Variants in UGT1A3 observed in about 807,000 individuals in gnomAD.
The protein encoded by UGT1A3 is UDP-glucuronosyltransferase 1A3.
UGT1A3 carries 31 observed loss-of-function variants against 41.0 expected under a neutral mutation model. The observed-to-expected ratio is 0.76, with a 90% CI of 0.57 to 1.02. The LOEUF (loss-of-function observed/expected upper bound fraction) is 1.02, where lower values mean the gene tolerates loss of function less well. UGT1A3 is among the 50% of genes least tolerant of loss of function. UGT1A3 has a pLI of 0.00. For missense variants in UGT1A3, 737 were observed against 671.0 expected (o/e 1.10, Z -1.09); for synonymous variants, 262 against 257.6 (o/e 1.02, Z -0.17).
At chr2:233,768,033 A>C in intron 3 of UGT1A3, 97 bp downstream of exon 3, 1 of 1,612,338 alleles carries the variant, frequency 6.2e-7, no homozygotes, top group South Asian at 1.1e-5. Flanking sequence ...GCTTGAAAAT[A>C]TTATGGCCAA....
Position 233,772,387 on chromosome 2 carries a change from C to A in UGT1A3, c.1433C>A (p.Ala478Glu). 1.2e-6 allele frequency: 2 copies of A among 1,614,274 alleles called. No individual in the cohort carries two copies. Among genetic ancestry groups the A allele is most frequent in the Non-Finnish European group, 1.7e-6 (2 of 1,180,048 alleles). ...AAGGGCGCGCCACACCTGCGCCCCG[C>A]AGCCCACGACCTCACCTGGTACCAG... ...RHKGAPHLRP[A>E]AHDLTWYQYH... is the part of the protein sequence containing the mutation. Residue 478 changes from alanine to glutamate, a missense_variant, in exon 5 of 5, where the codon GCA (alanine) becomes GAA (glutamate). Transcript: ENST00000482026.
In UGT1A3 at chr2:233,769,673, G is replaced by A; in HGVS notation, c.1307+1234G>A. 1.3e-6 allele frequency: 2 copies of A among 1,580,578 alleles called. No individual in the cohort carries two copies. The highest frequency in any genetic ancestry group is 1.1e-5 in the South Asian group (1 of 86,980). On this transcript the variant is annotated intron_variant, in intron 4 of 4. Transcript: ENST00000482026. The surrounding 1 kb of genome is among the most constrained non-coding windows in gnomAD (Gnocchi z 4.4). ...GACTTCCCACCTTTGAGGTGCTAAT[G>A]TGTGTGTGGTGGCACTGGATAAAAG...
At chr2:233,754,206 T>C (rs1220915682) in intron 1 of UGT1A3, 1 of 163,280 alleles carries the variant, frequency 6.1e-6, no homozygotes, top group Admixed American at 5.7e-5. Context: ...AACATTGAAG[T>C]CAAATGATTT....
chr2:233,751,234 G>T (rs1326079601), intron 1 of UGT1A3, among the ~76,000 whole-genome samples: 1 of 151,962 alleles, frequency 6.6e-6, no homozygotes, highest in East Asian at 1.9e-4. Flanking sequence ...GCCCTGCCTG[G>T]TTTTGGACTT....
intron 1 of UGT1A3, among the ~76,000 whole-genome samples, chr2:233,745,945 G>C (rs1693257711): frequency 6.6e-6 from 1 of 151,628 alleles, no homozygotes; most frequent in Non-Finnish European, 1.5e-5. Context: ...CTGGGGGTTG[G>C]GCAACTGGGG....
intron 1 of UGT1A3, chr2:233,743,403 G>GC (rs1347422020): frequency 7.7e-7 from 1 of 1,297,134 alleles, no homozygotes; most frequent in African/African-American, 1.5e-5. Flanking sequence ...AGGAAGAAAG[G>GC]CCCCCACTTC....
At position 233,768,291 on chromosome 2, in the gene UGT1A3, G is replaced by A. The variant is rs143573365; in HGVS notation, c.1159G>A (p.Val387Ile). Residue 387 changes from valine to isoleucine, a missense_variant, in exon 4 of 5, where the codon GTT (valine) becomes ATT (isoleucine). Transcript: ENST00000482026. ...TGTTTATGAAAGCATATGCAATGGC[G>A]TTCCCATGGTGATGATGCCCTTGTT... ...HGVYESICNG[V>I]PMVMMPLFGD... 6.4e-5 allele frequency: 104 copies of A among 1,614,030 alleles called. No homozygotes were observed. Among genetic ancestry groups the A allele is most frequent in the Middle Eastern group, 1.6e-4 (1 of 6,084 alleles).
chr2:233,757,927 A>C (rs1242249137), intron 1 of UGT1A3, among the ~76,000 whole-genome samples: 4 of 152,044 alleles, frequency 2.6e-5, no homozygotes, highest in African/African-American at 9.7e-5. Flanking sequence ...GCAGCCCCCA[A>C]AGCAAGACCA....
chr2:233,742,808 G>A (rs1235624978), intron 1 of UGT1A3: 1 of 153,400 alleles, frequency 6.5e-6, no homozygotes, highest in Non-Finnish European at 1.4e-5. Flanking sequence ...CAGAAGTATT[G>A]ATATTATTTG....
chr2:233,746,374 T>C (rs1378448222), intron 1 of UGT1A3, among the ~76,000 whole-genome samples: 2 of 151,774 alleles, frequency 1.3e-5, no homozygotes, highest in African/African-American at 4.9e-5. Flanking sequence ...AGTCCCTTCA[T>C]TCTGATTTGA....
At chr2:233,743,699 G>C (rs780880081) in intron 1 of UGT1A3, 1 of 1,367,268 alleles carries the variant, frequency 7.3e-7, no homozygotes, top group Non-Finnish European at 9.8e-7. Flanking sequence ...GCCGCCCTCC[G>C]CCCCCGCCTC....
chr2:233,757,875 A>G (rs776201583), intron 1 of UGT1A3, among the ~76,000 whole-genome samples: 1 of 152,028 alleles, frequency 6.6e-6, no homozygotes, highest in Non-Finnish European at 1.5e-5. Flanking sequence ...AGTAGCTTCA[A>G]AAGGGTTCCA....
At chr2:233,743,605 G>C in intron 1 of UGT1A3, 5 of 1,367,304 alleles carry the variant, frequency 3.7e-6, no homozygotes, top group Non-Finnish European at 4.9e-6. Flanking sequence ...CCTGGCCGCC[G>C]AAGAACTCCC....
chr2:233,729,527 A>T lies in UGT1A3; in HGVS notation c.401A>T (p.Asn134Ile). 6.2e-7 allele frequency: 1 copy of T among 1,614,206 alleles called. No homozygotes were observed. Among genetic ancestry groups the T allele is most frequent in the Non-Finnish European group, 8.5e-7 (1 of 1,180,036 alleles). The stretch of plus-strand genomic sequence containing the variant: ...AGGTCTTGTGTGGAGCTACTACATA[A>T]TGAGGCCCTGATCAGGCACCTGAAT... Reference protein sequence around the residue: ...YHRSCVELLHNEALIRHLNAT... With the variant: ...YHRSCVELLHIEALIRHLNAT... Residue 134 changes from asparagine (N) to isoleucine (I), a missense_variant, in exon 1 of 5, where the codon AAT becomes ATT. Transcript: ENST00000482026.
chr2:233,747,166 G>A, intron 1 of UGT1A3: 1 of 1,592,464 alleles, frequency 6.3e-7, no homozygotes, highest in Non-Finnish European at 8.5e-7. Context: ...ACAAATGTAG[G>A]AGGCACAGCG....
rs1692071385 is a variant in UGT1A3, at chr2:233,742,695, T to C, written c.867+12702T>C. 2.0e-5 allele frequency: 3 copies of C among 152,474 alleles called. 1 individual carries two copies. Among genetic ancestry groups the C allele is most frequent in the African/African-American group, 7.3e-5 (3 of 41,134 alleles). 9.4% of individuals were successfully genotyped at this position (152,474 alleles called of 1,614,324 possible). ...TTGTCCTCAGCCTTCAGAGGGAACA[T>C]GCTTCCACCGATTTCAGCTCAGTGA... is the stretch of plus-strand genomic sequence containing the variant. On this transcript the variant is annotated intron_variant, in intron 1 of 4. Coordinates refer to ENST00000482026, the MANE Select transcript of UGT1A3 (RefSeq NM_019093.4).
intron 1 of UGT1A3, chr2:233,761,142 A>G: frequency 5.0e-6 from 8 of 1,614,232 alleles, no homozygotes; most frequent in Non-Finnish European, 5.9e-6. Context: ...ACCAAAATCC[A>G]CTATCCCAGG....
intron 1 of UGT1A3, among the ~76,000 whole-genome samples, chr2:233,765,679 C>T (rs750579921): frequency 2.7e-5 from 4 of 150,004 alleles, no homozygotes; most frequent in Non-Finnish European, 4.4e-5. Flanking sequence ...CATATGTATC[C>T]CAGAACTTCA....
chr2:233,760,326 G>T, intron 1 of UGT1A3: 1 of 1,614,028 alleles, frequency 6.2e-7, no homozygotes, highest in Non-Finnish European at 8.5e-7. Flanking sequence ...CACTTGTCCT[G>T]GGCCTGCTGC....
Sources: allele counts gnomAD v4.1 joint callset (sites outside exome capture counted in the v4.1 genomes callset), GRCh38; gene constraint gnomAD v4.1.1; non-coding constraint Gnocchi (gnomAD v3.1); transcripts MANE v1.5; gene names NCBI Gene and HGNC (gene_info 2026-07-23, HGNC 2026-07-21).